The following TRHR variants were observed in gnomAD, a reference collection of about 807,000 sequenced individuals.
TRHR encodes thyrotropin-releasing hormone receptor.
In TRHR, 14 loss-of-function variants were observed where a neutral mutation model predicts 28.0. The ratio of observed to expected loss-of-function variants is 0.50; its 90% CI spans 0.33 to 0.78. The LOEUF is 0.78. Ranked by LOEUF, TRHR falls within the 30% of genes least tolerant of loss-of-function variation. The pLI is 0.02. For missense variants in TRHR, 438 were observed against 469.5 expected (o/e 0.93, Z 0.62); for synonymous variants, 176 against 171.9 (o/e 1.02, Z -0.18).
intron 2 of TRHR, among the ~76,000 whole-genome samples, chr8:109,094,709 G>C (rs1388116777): frequency 2.7e-4 from 40 of 150,580 alleles, no homozygotes; most frequent in Admixed American, 5.3e-4. Flanking sequence ...ATATTTGCAT[G>C]TTGCAAATAT....
At chr8:109,109,017 T>C (rs1421376833) in intron 2 of TRHR, among the ~76,000 whole-genome samples, 3 of 152,180 alleles carry the variant, frequency 2.0e-5, no homozygotes, top group African/African-American at 7.2e-5. Context: ...CACACAGCTG[T>C]TTTCCATTCT....
chr8:109,119,570 C>A lies in TRHR; in HGVS notation c.*115C>A. The A allele has an allele frequency of 1.6e-6, 2 of 1,281,550 alleles. No individual in the cohort carries two copies. Among genetic ancestry groups the A allele is most frequent in the Non-Finnish European group, 1.1e-6 (1 of 919,856 alleles). 79.4% of individuals were successfully genotyped at this position (1,281,550 alleles called of 1,614,324 possible). Reference sequence around the variant, plus strand: ...GAAGACAGAGCAGATCAGTCTTTGTCAATGCTCTAACAAATTCTGGCCCTA... The same window carrying A: ...GAAGACAGAGCAGATCAGTCTTTGTAAATGCTCTAACAAATTCTGGCCCTA... On this transcript the variant is annotated 3_prime_UTR_variant, in exon 3 of 3. Transcript: ENST00000518632.
rs1811994860 is a variant in TRHR at position 109,120,679 on chromosome 8, T to A, written c.*1224T>A. On this transcript the variant is annotated 3_prime_UTR_variant, in exon 3 of 3. Transcript: ENST00000518632. ...AACTGATTTCATCATATTATCAGTA[T>A]GTCATCTTTATATTTATGACTGACA... 6.6e-6 allele frequency among the ~76,000 whole-genome samples: 1 copy of A among 151,948 alleles called. No homozygotes were observed. Among genetic ancestry groups the A allele is most frequent in the East Asian group, 1.9e-4 (1 of 5,140 alleles).
Position 109,119,410 on chromosome 8 carries a change from T to A in TRHR, c.1152T>A (p.Phe384Leu), listed in dbSNP as rs1563629208. Residue 384 changes from phenylalanine to leucine, a missense_variant, in exon 3 of 3, where the codon TTT (phenylalanine) becomes TTA (leucine). By Grantham distance (22) the Phe-to-Leu change is conservative. Transcript: ENST00000518632. ...DTYLSATKVS[F>L]DDTCLASEVS... ...ACCTGTCTGCCACAAAAGTGTCTTT[T>A]GATGACACCTGCTTGGCTTCTGAGG... 6.2e-7 allele frequency: 1 copy of A among 1,612,398 alleles called. No individual in the cohort carries two copies. The highest frequency in any genetic ancestry group is 1.7e-5 in the Admixed American group (1 of 59,808).
intron 2 of TRHR, among the ~76,000 whole-genome samples, chr8:109,103,971 G>A (rs1157199653): frequency 1.3e-5 from 2 of 152,194 alleles, no homozygotes; most frequent in East Asian, 3.9e-4. Flanking sequence ...TATATGCATT[G>A]TTAGTCAAAA....
intron 2 of TRHR, among the ~76,000 whole-genome samples, chr8:109,108,194 A>C (rs1282039732): frequency 1.3e-5 from 2 of 152,186 alleles, no homozygotes; most frequent in Non-Finnish European, 2.9e-5. Flanking sequence ...AAGCAAGACA[A>C]CTAAGTGCCC....
At position 109,106,953 on chromosome 8, in the gene TRHR, A is replaced by G. The variant is rs74777539; in HGVS notation, c.790-12095A>G. On this transcript the variant is annotated intron_variant, in intron 2 of 2. Coordinates refer to ENST00000518632, the MANE Select transcript of TRHR (RefSeq NM_003301.7). ...TACATAAGTAAGCCAATGAAGGAAC[A>G]GGATCCTTTCAGGTTGTGACTATTA... 6.8e-3 allele frequency among the ~76,000 whole-genome samples: 1,036 copies of G among 152,296 alleles called. 14 individuals carry two copies. Among genetic ancestry groups the G allele is most frequent in the African/African-American group, 0.024 (988 of 41,560 alleles).
rs756768139 is a variant in TRHR at position 109,087,791 on chromosome 8, T to C, written c.279T>C (p.Tyr93=). 6.2e-7 allele frequency: 1 copy of C among 1,614,208 alleles called. No individual in the cohort carries two copies. Among genetic ancestry groups the C allele is most frequent in the Non-Finnish European group, 8.5e-7 (1 of 1,180,032 alleles). The change falls in exon 2 of 3, where the codon TAT becomes TAC. Residue 93 remains tyrosine (Y), a synonymous_variant. Coordinates refer to ENST00000518632, the MANE Select transcript of TRHR (RefSeq NM_003301.7). ...ACAGTATCTACGGTTCCTGGGTCTA[T>C]GGCTATGTTGGATGCCTCTGCATTA... is the stretch of plus-strand genomic sequence containing the variant. ...ITDSIYGSWV[Y]GYVGCLCITY...
intron 2 of TRHR, among the ~76,000 whole-genome samples, chr8:109,095,884 T>C (rs1247076234): frequency 6.6e-6 from 1 of 151,214 alleles, no homozygotes; most frequent in Non-Finnish European, 1.5e-5. Flanking sequence ...CAGCTCATTA[T>C]TCTCCTGCTG....
chr8:109,091,190 C>A (rs1328038761), intron 2 of TRHR, among the ~76,000 whole-genome samples: 1 of 152,000 alleles, frequency 6.6e-6, no homozygotes, highest in African/African-American at 2.4e-5. Flanking sequence ...GATCCTCTAT[C>A]AGGAGAATTT....
intron 2 of TRHR, among the ~76,000 whole-genome samples, chr8:109,094,541 T>C (rs1355116599): frequency 3.3e-5 from 5 of 152,056 alleles, no homozygotes; most frequent in Non-Finnish European, 7.4e-5. Flanking sequence ...CAGCTAAGTG[T>C]GCCATTTTAT....
At chr8:109,107,479 T>C (rs1009786830) in intron 2 of TRHR, among the ~76,000 whole-genome samples, 1 of 152,202 alleles carries the variant, frequency 6.6e-6, no homozygotes, top group African/African-American at 2.4e-5. Context: ...TCTGCCTCCA[T>C]AGCCTGTCCC....
chr8:109,115,306 T>A (rs1478270630), intron 2 of TRHR, among the ~76,000 whole-genome samples: 1 of 152,166 alleles, frequency 6.6e-6, no homozygotes, highest in African/African-American at 2.4e-5. Context: ...GGGCTCTTTT[T>A]TGGTTCCATG....
chr8:109,120,853 G>C lies in TRHR; in HGVS notation c.*1398G>C, dbSNP rs1337010978. On this transcript the variant is annotated 3_prime_UTR_variant, in exon 3 of 3. Transcript: ENST00000518632. ...CCTTGGTGATGGTTCAGTAGTCATT[G>C]ATTTTTAATGAGTAGATCAAAAAAG... Among the ~76,000 whole-genome samples the C allele has an allele frequency of 1.3e-5, 2 of 151,486 alleles. No individual in the cohort carries two copies. Among genetic ancestry groups the C allele is most frequent in the African/African-American group, 2.4e-5 (1 of 41,316 alleles).
chr8:109,105,173 T>G (rs1811731081), intron 2 of TRHR, among the ~76,000 whole-genome samples: 1 of 152,292 alleles, frequency 6.6e-6, no homozygotes, highest in East Asian at 1.9e-4. Flanking sequence ...TATCCTGTGA[T>G]TTTTAAAGAT....
At chr8:109,114,538 T>G (rs546875844) in intron 2 of TRHR, among the ~76,000 whole-genome samples, 13 of 152,210 alleles carry the variant, frequency 8.5e-5, no homozygotes, top group Non-Finnish European at 1.6e-4. Context: ...GTAATGACTT[T>G]GTAGTGGTTT....
chr8:109,108,448 T>A (rs1383773377), intron 2 of TRHR, among the ~76,000 whole-genome samples: 1 of 152,056 alleles, frequency 6.6e-6, no homozygotes, highest in Non-Finnish European at 1.5e-5. Flanking sequence ...CTGGGAAAGA[T>A]CAATGTCTTC....
intron 2 of TRHR, among the ~76,000 whole-genome samples, chr8:109,110,881 T>A (rs916208913): frequency 3.9e-5 from 6 of 152,134 alleles, no homozygotes; most frequent in African/African-American, 1.4e-4. Flanking sequence ...GTCAGTTGGG[T>A]GCGGTGGCTC....
chr8:109,117,880 T>C (rs1306198030), intron 2 of TRHR, among the ~76,000 whole-genome samples: 4 of 151,950 alleles, frequency 2.6e-5, no homozygotes, highest in African/African-American at 4.8e-5. Context: ...AATCACATAT[T>C]CTCACTGAAC....
Sources: allele counts gnomAD v4.1 joint callset (sites outside exome capture counted in the v4.1 genomes callset), GRCh38; gene constraint gnomAD v4.1.1; transcripts MANE v1.5; gene names NCBI Gene and HGNC (gene_info 2026-07-23, HGNC 2026-07-21).